GRIN2A: variants seen among roughly 807,000 people sequenced by gnomAD.
GRIN2A encodes the protein glutamate ionotropic receptor NMDA type subunit 2A, also known as glutamate receptor ionotropic, NMDA 2A.
In GRIN2A, 22 loss-of-function variants were observed where a neutral mutation model predicts 113.4. The observed-to-expected ratio is 0.19, with a 90% CI of 0.14 to 0.28. The LOEUF is 0.28. Ranked by LOEUF, GRIN2A falls within the 10% of genes least tolerant of loss-of-function variation. GRIN2A has a pLI of 1.00. For missense variants in GRIN2A, 1,502 were observed against 1,887.0 expected, an observed-to-expected ratio of 0.80 and a Z score of 3.78; for synonymous variants, 827 against 738.4, an observed-to-expected ratio of 1.12 and a Z score of -1.94.
chr16:9,830,556 T>A (rs1373639443), intron 8 of GRIN2A, among the ~76,000 whole-genome samples: 1 of 152,124 alleles, frequency 6.6e-6, no homozygotes, highest in African/African-American at 2.4e-5. Context: ...GAGGTTAATT[T>A]TTATGTCATT....
intron 2 of GRIN2A, among the ~76,000 whole-genome samples, chr16:9,988,878 T>C (rs1429885607): frequency 6.6e-6 from 1 of 152,110 alleles, no homozygotes; most frequent in Admixed American, 6.6e-5. Context: ...AGAACCATGA[T>C]AACCAGACAG....
chr16:9,986,831 T>C (rs902132985), intron 2 of GRIN2A, among the ~76,000 whole-genome samples: 1 of 151,504 alleles, frequency 6.6e-6, no homozygotes, highest in Admixed American at 6.6e-5. Context: ...AAGATCTAGA[T>C]ATCACCTTTT....
intron 3 of GRIN2A, among the ~76,000 whole-genome samples, chr16:9,918,639 A>C (rs2044300722): frequency 6.6e-6 from 1 of 152,180 alleles, no homozygotes; most frequent in Non-Finnish European, 1.5e-5. Flanking sequence ...TTCTGTCTGA[A>C]ATTAAAGTCC....
chr16:9,993,103 G>A lies in GRIN2A; in HGVS notation c.415-54552C>T, dbSNP rs540613308. ...AAATTAGCCAGGTATGGTGGTGCAC[G>A]TCTGTAGTCCCAGCTACTCCTCGGG... On this transcript the variant is annotated intron_variant, in intron 2 of 12. Coordinates refer to ENST00000330684, the MANE Select transcript of GRIN2A (RefSeq NM_001134407.3). Among the ~76,000 whole-genome samples, 7 of 151,876 alleles carry A rather than the reference G, an allele frequency of 4.6e-5. No homozygotes were observed. In the South Asian group the frequency reaches 1.3e-3, roughly 27 times the overall value.
At chr16:9,827,473 ATCTCAG>A (rs888021313) in intron 9 of GRIN2A, among the ~76,000 whole-genome samples, 2 of 152,228 alleles carry the variant, frequency 1.3e-5, no homozygotes, top group African/African-American at 2.4e-5. Context: ...CCAAGTCTCC[ATCTCAG>A]TCCCGTCCTG....
At chr16:10,081,486 G>T (rs948541992) in intron 2 of GRIN2A, among the ~76,000 whole-genome samples, 4 of 152,188 alleles carry the variant, frequency 2.6e-5, no homozygotes, top group Non-Finnish European at 4.4e-5. Context: ...GCAAGAACAA[G>T]CACTGAAGAT....
chr16:10,179,571 A>G (rs2050216415), intron 2 of GRIN2A: 1 of 209,004 alleles, frequency 4.8e-6, no homozygotes, highest in African/African-American at 2.3e-5. Flanking sequence ...CCATAAGAGG[A>G]AAAAATGGAC....
At chr16:10,110,971 T>C (rs2048602206) in intron 2 of GRIN2A, among the ~76,000 whole-genome samples, 1 of 152,220 alleles carries the variant, frequency 6.6e-6, no homozygotes, top group African/African-American at 2.4e-5. Flanking sequence ...AAACTAACTT[T>C]TCTTAACCTA....
At chr16:10,032,732 A>G (rs1596445292) in intron 2 of GRIN2A, among the ~76,000 whole-genome samples, 2 of 152,276 alleles carry the variant, frequency 1.3e-5, no homozygotes, top group Admixed American at 1.3e-4. Context: ...TGAGCCATTA[A>G]ACAACAGTGG....
At chr16:9,793,844 C>T (rs1305310376) in intron 11 of GRIN2A, among the ~76,000 whole-genome samples, 1 of 151,988 alleles carries the variant, frequency 6.6e-6, no homozygotes, top group East Asian at 1.9e-4. Flanking sequence ...TATATATACA[C>T]GTGTGATATA....
intron 2 of GRIN2A, among the ~76,000 whole-genome samples, chr16:10,029,669 C>T (rs1279187051): frequency 6.6e-6 from 1 of 152,102 alleles, no homozygotes; most frequent in Non-Finnish European, 1.5e-5. Flanking sequence ...CATGCAGGGG[C>T]TTCTTCATGG....
intron 3 of GRIN2A, among the ~76,000 whole-genome samples, chr16:9,916,257 T>G (rs886388471): frequency 6.6e-6 from 1 of 152,162 alleles, no homozygotes; most frequent in Non-Finnish European, 1.5e-5. Flanking sequence ...AGGAGGGTAA[T>G]AAAGCAAAAT....
chr16:10,036,284 C>A (rs561024505), intron 2 of GRIN2A, among the ~76,000 whole-genome samples: 1 of 151,984 alleles, frequency 6.6e-6, no homozygotes, highest in Non-Finnish European at 1.5e-5. Flanking sequence ...GTTCTGGAGG[C>A]TGAAAGTGTA....
chr16:9,784,241 C>A (rs371478231), intron 11 of GRIN2A, among the ~76,000 whole-genome samples: 1 of 152,042 alleles, frequency 6.6e-6, no homozygotes, highest in East Asian at 1.9e-4. Context: ...ACCAGCCTGG[C>A]CAACATGGCA....
intron 3 of GRIN2A, among the ~76,000 whole-genome samples, chr16:9,934,169 G>C (rs1172056787): frequency 6.6e-6 from 1 of 152,052 alleles, no homozygotes; most frequent in Non-Finnish European, 1.5e-5. Flanking sequence ...ATGAATATCG[G>C]GTTGAGTATT....
rs767268773 is a variant in GRIN2A at position 9,764,758 on chromosome 16, G to A, written c.2786C>T (p.Ser929Phe). ...KRAADFIQRG[S>F]LIMDMVSDKG... ...ATCTGAAACCATGTCCATGATGAGG[G>A]AACCTCTTTGGATGAAGTCAGCAGC... The change falls in exon 13 of 13, where the codon TCC (serine) becomes TTC (phenylalanine). Residue 929 changes from serine to phenylalanine, a missense_variant. Physicochemically the swap from Ser to Phe is radical, Grantham distance 155 (BLOSUM62 -2). This residue lies in a region of GRIN2A where 832 missense variants were observed against 789.7 expected (regional missense o/e 1.05). Transcript: ENST00000330684. 2 of 1,614,176 alleles carry A rather than the reference G, an allele frequency of 1.2e-6. No homozygotes were observed. Among genetic ancestry groups the A allele is most frequent in the South Asian group, 2.2e-5 (2 of 91,084 alleles).
intron 2 of GRIN2A, among the ~76,000 whole-genome samples, chr16:10,155,187 G>A (rs559881446): frequency 6.6e-6 from 1 of 152,326 alleles, no homozygotes; most frequent in African/African-American, 2.4e-5. Context: ...AGAGAACTGA[G>A]TTGAAGCTCA....
chr16:9,916,887 G>T (rs1042163787), intron 3 of GRIN2A, among the ~76,000 whole-genome samples: 28 of 152,130 alleles, frequency 1.8e-4, no homozygotes, highest in African/African-American at 6.8e-4. Flanking sequence ...CATCCTTTTG[G>T]CAGCTACTGC....
intron 2 of GRIN2A, among the ~76,000 whole-genome samples, chr16:9,938,965 C>A (rs1335854056): frequency 6.6e-6 from 1 of 152,124 alleles, no homozygotes; most frequent in African/African-American, 2.4e-5. Flanking sequence ...ATATTTGGAG[C>A]CCCTAGAGTC....
Sources: gnomAD v4.1 joint callset for allele counts (sites outside exome capture counted in the v4.1 genomes callset) on GRCh38, gnomAD v4.1.1 for gene constraint, gnomAD v4.1.1 regional missense constraint, MANE v1.5 for transcripts, NCBI Gene and HGNC (gene_info 2026-07-23, HGNC 2026-07-21) for gene names.